Variants in NEK5 observed in about 807,000 individuals in gnomAD.
The protein encoded by NEK5 is NIMA related kinase 5.
A neutral mutation model predicts 109.2 loss-of-function variants in NEK5; 88 were observed. The observed-to-expected ratio is 0.81, with a 90% CI of 0.68 to 0.96. NEK5 has a LOEUF of 0.96. Among genes scored for constraint, NEK5 ranks in the 40% least tolerant of loss-of-function variants. NEK5 has a pLI of 0.00. For missense variants in NEK5, 834 were observed against 920.7 expected, an observed-to-expected ratio of 0.91 and a Z score of 1.22; for synonymous variants, 283 against 299.9, an observed-to-expected ratio of 0.94 and a Z score of 0.58.
intron 23 of NEK5, among the ~76,000 whole-genome samples, chr13:52,047,895 A>C (rs1954472835): frequency 6.6e-6 from 1 of 152,222 alleles, no homozygotes; most frequent in Non-Finnish European, 1.5e-5. Flanking sequence ...AAAGGACTCC[A>C]AAATTTAGAA....
chr13:52,083,205 T>G, intron 17 of NEK5, 55 bp downstream of exon 17: 1 of 1,226,264 alleles, frequency 8.2e-7, no homozygotes, highest in African/African-American at 1.5e-5. Flanking sequence ...TAAGAGCCAC[T>G]TGGGGTAGAG....
chr13:52,127,241 T>C, intron 3 of NEK5, 125 bp downstream of exon 3: 3 of 615,174 alleles, frequency 4.9e-6, no homozygotes, highest in Non-Finnish European at 8.6e-6. Flanking sequence ...GGAGGTTGAA[T>C]TAACAAAAAT....
intron 20 of NEK5, among the ~76,000 whole-genome samples, chr13:52,070,799 C>T (rs977258559): frequency 1.1e-4 from 16 of 152,158 alleles, no homozygotes; most frequent in African/African-American, 3.1e-4. Context: ...TAAGGCAATA[C>T]AGCAAGGGGA....
At chr13:52,120,679 G>C (rs1489471910) in intron 3 of NEK5, among the ~76,000 whole-genome samples, 4 of 152,170 alleles carry the variant, frequency 2.6e-5, no homozygotes, top group Admixed American at 2.6e-4. Context: ...GGGAAGCCAA[G>C]GCAGGCAGAT....
At chr13:52,072,630 G>T (rs1481373869) in intron 19 of NEK5, among the ~76,000 whole-genome samples, 1 of 152,190 alleles carries the variant, frequency 6.6e-6, no homozygotes, top group Admixed American at 6.5e-5. Flanking sequence ...CAGGTCCCCA[G>T]ATCTGCTCCA....
chr13:52,065,674 C>G (rs1235348574), intron 20 of NEK5, 65 bp from the exon 21 acceptor site: 3 of 1,197,848 alleles, frequency 2.5e-6, no homozygotes, highest in Non-Finnish European at 3.7e-6. Context: ...GTCCCAAACA[C>G]TTCTTAGGAA....
chr13:52,084,752 A>C (rs1566772550), intron 16 of NEK5, among the ~76,000 whole-genome samples: 1 of 51,800 alleles, frequency 1.9e-5, no homozygotes, highest in African/African-American at 4.2e-5. Context: ...AGAGAGAGAG[A>C]GAGAGAGAGA....
intron 14 of NEK5, 44 bp downstream of exon 14, chr13:52,089,203 T>C (rs199596112): frequency 2.5e-6 from 3 of 1,215,448 alleles, no homozygotes; most frequent in East Asian, 2.3e-5. Context: ...AGAAAAACTA[T>C]TAGGAAATTC....
chr13:52,080,803 C>T (rs954272693), intron 17 of NEK5, among the ~76,000 whole-genome samples: 3 of 151,738 alleles, frequency 2.0e-5, no homozygotes, highest in Admixed American at 6.6e-5. Flanking sequence ...CCTTTGTTCA[C>T]TTGTTTGTCT....
At chr13:52,053,449 T>C (rs1027966238) in intron 22 of NEK5, among the ~76,000 whole-genome samples, 25 of 152,310 alleles carry the variant, frequency 1.6e-4, no homozygotes, top group African/African-American at 5.3e-4. Context: ...TTTTTAATTT[T>C]TTTTTCCTCC....
At chr13:52,082,616 G>T (rs1955037781) in intron 17 of NEK5, among the ~76,000 whole-genome samples, 1 of 152,126 alleles carries the variant, frequency 6.6e-6, no homozygotes, top group African/African-American at 2.4e-5. Flanking sequence ...TTTCAACTCT[G>T]CCCAGGCTCT....
rs1593911177 is a variant in NEK5, at chr13:52,035,837, T to C, written c.*1111A>G. ...TTGTTGTTCTTGCTCAATTGCCTTA[T>C]TCCTGTGTCAACATCAGCTTCAAAA... is the stretch of plus-strand genomic sequence containing the variant. On this transcript the variant is annotated 3_prime_UTR_variant, in exon 24 of 24. Coordinates refer to ENST00000684899, the MANE Select transcript of NEK5 (RefSeq NM_001365552.1). The C allele has an allele frequency of 2.6e-5, 4 of 152,080 alleles. No individual in the cohort carries two copies. In the East Asian group the frequency reaches 5.8e-4, roughly 22 times the overall value. The allele number at this position is 152,080 out of a possible 1,614,324, so 9.4% of individuals were successfully genotyped here. A position where few individuals can be genotyped will look rare whatever the true frequency, so the allele number is the denominator to read the frequency against.
intron 17 of NEK5, among the ~76,000 whole-genome samples, chr13:52,080,350 GAGA>G (rs1192564716): frequency 1.3e-5 from 2 of 151,268 alleles, no homozygotes; most frequent in Non-Finnish European, 3.0e-5. Context: ...ACTGGGAAGT[GAGA>G]AGCCCCTCTG....
At chr13:52,055,823 G>A (rs1350471115) in intron 22 of NEK5, among the ~76,000 whole-genome samples, 1 of 151,964 alleles carries the variant, frequency 6.6e-6, no homozygotes, top group Non-Finnish European at 1.5e-5. Flanking sequence ...GGAACAACCG[G>A]TACCAGCCAC....
chr13:52,080,545 T>G (rs1328136581), intron 17 of NEK5, among the ~76,000 whole-genome samples: 1 of 152,244 alleles, frequency 6.6e-6, no homozygotes, highest in East Asian at 1.9e-4. Context: ...TGTTCTATAG[T>G]AAGAAAAATT....
At chr13:52,047,532 G>C (rs1954470097) in intron 23 of NEK5, among the ~76,000 whole-genome samples, 1 of 152,122 alleles carries the variant, frequency 6.6e-6, no homozygotes, top group Non-Finnish European at 1.5e-5. Context: ...TATTTTAAAA[G>C]TAAATCATGG....
intron 17 of NEK5, among the ~76,000 whole-genome samples, chr13:52,079,422 GC>G (rs1192451261): frequency 2.6e-5 from 4 of 151,772 alleles, no homozygotes; most frequent in Non-Finnish European, 4.4e-5. Context: ...GCCTCAGCCT[GC>G]CGAGTGCCTG....
intron 17 of NEK5, among the ~76,000 whole-genome samples, chr13:52,079,348 G>A (rs531706205): frequency 0.019 from 2,372 of 123,856 alleles, 73 homozygotes; most frequent in Admixed American, 0.11. Context: ...CTCTGATGCC[G>A]AGCCGAAGCT....
chr13:52,093,767 T>C (rs754445471), intron 12 of NEK5, among the ~76,000 whole-genome samples: 1 of 152,296 alleles, frequency 6.6e-6, no homozygotes, highest in Non-Finnish European at 1.5e-5. Flanking sequence ...GGTATGGATA[T>C]GAATCATGCA....
Sources: allele counts gnomAD v4.1 joint callset (sites outside exome capture counted in the v4.1 genomes callset), GRCh38; gene constraint gnomAD v4.1.1; transcripts MANE v1.5; gene names NCBI Gene and HGNC (gene_info 2026-07-23, HGNC 2026-07-21).